Variants in PLEKHH1 observed in about 807,000 individuals in gnomAD.
PLEKHH1 encodes the protein pleckstrin homology, MyTH4 and FERM domain containing H1.
A neutral mutation model predicts 160.0 loss-of-function variants in PLEKHH1; 104 were observed. That is an observed-to-expected ratio of 0.65 (90% CI 0.55 to 0.76). The LOEUF (loss-of-function observed/expected upper bound fraction) is 0.76, where lower values mean the gene tolerates loss of function less well. PLEKHH1 is among the 30% of genes least tolerant of loss of function. The pLI, the probability that PLEKHH1 is intolerant of heterozygous loss-of-function variation, is 0.00. For missense variants in PLEKHH1, 1,427 were observed against 1,724.1 expected (o/e 0.83, Z 3.05); for synonymous variants, 619 against 678.4 (o/e 0.91, Z 1.36).
At chr14:67,549,544 T>A (rs1372141454) in intron 2 of PLEKHH1, among the ~76,000 whole-genome samples, 8 of 152,190 alleles carry the variant, frequency 5.3e-5, no homozygotes, top group Non-Finnish European at 1.5e-5. Flanking sequence ...GTGCTGGGAT[T>A]ACAGGTGTGA....
chr14:67,545,897 A>G (rs900897779), intron 2 of PLEKHH1, among the ~76,000 whole-genome samples: 7 of 152,150 alleles, frequency 4.6e-5, no homozygotes, highest in African/African-American at 1.7e-4. Context: ...TGGATTTTAT[A>G]TATTTGGGAA....
intron 2 of PLEKHH1, among the ~76,000 whole-genome samples, chr14:67,553,742 C>T (rs1440133451): frequency 6.6e-6 from 1 of 152,182 alleles, no homozygotes; most frequent in Non-Finnish European, 1.5e-5. Flanking sequence ...TTATCTGCCC[C>T]GTGGCTGCAT....
In PLEKHH1 at chr14:67,573,314, G is replaced by A; in HGVS notation, c.1767G>A (p.Gly589=). ...LEKSGYLLKM[G]SQVKTWKRRW... is the part of the protein sequence containing the mutation. ...AGTCGGGCTACCTGCTGAAAATGGGGAGCCAGGTGAAGACGTGGAAGAGGC... is the reference window on the plus strand; with the variant it reads ...AGTCGGGCTACCTGCTGAAAATGGGAAGCCAGGTGAAGACGTGGAAGAGGC... The change falls in exon 12 of 29, where the codon GGG becomes GGA. Residue 589 remains glycine, a synonymous_variant. Transcript: ENST00000329153. The surrounding 1 kb of genome is among the most constrained non-coding windows in gnomAD (Gnocchi z 4.8). 2 of 1,613,734 alleles carry A rather than the reference G, an allele frequency of 1.2e-6. No individual in the cohort carries two copies. The highest frequency in any genetic ancestry group is 1.7e-6 in the Non-Finnish European group (2 of 1,179,734).
At chr14:67,572,404 A>T (rs1347580937) in intron 11 of PLEKHH1, 127 bp downstream of exon 11, 66 of 118,874 alleles carry the variant, frequency 5.6e-4, no homozygotes, top group Non-Finnish European at 7.3e-4. Flanking sequence ...GGATGGGGGC[A>T]GGGGGCGTGG....
Position 67,574,024 on chromosome 14 carries a change from T to G in PLEKHH1, c.1926+137T>G. On this transcript the variant is annotated intron_variant, in intron 13 of 28. Coordinates refer to ENST00000329153, the MANE Select transcript of PLEKHH1 (RefSeq NM_020715.3). The surrounding 1 kb of genome is among the most constrained non-coding windows in gnomAD (Gnocchi z 4.2). ...TCAACATTTGGACGTGATCCTAACT[T>G]GTGAGTACAAGAAAGGAAGATGAGA... is the stretch of plus-strand genomic sequence containing the variant. 1 of 727,654 alleles carries G rather than the reference T, an allele frequency of 1.4e-6. No homozygotes were observed. The highest frequency in any genetic ancestry group is 1.8e-5 in the African/African-American group (1 of 56,886). 45.1% of individuals were successfully genotyped at this position (727,654 alleles called of 1,614,324 possible).
chr14:67,586,371 C>T (rs2036163018), intron 28 of PLEKHH1: 2 of 1,388,726 alleles, frequency 1.4e-6, no homozygotes, highest in Non-Finnish European at 1.9e-6. Context: ...TCTCAAGCCC[C>T]AGCATCATGC....
In PLEKHH1 at chr14:67,587,428, A is replaced by G; in HGVS notation, c.*193A>G. Reference sequence around the variant, plus strand: ...ATGTTTCAGGGCTCAACTTTTTAAAATCCAGACCCAGTGTTAAAACCATTT... The same window carrying G: ...ATGTTTCAGGGCTCAACTTTTTAAAGTCCAGACCCAGTGTTAAAACCATTT... On this transcript the variant is annotated 3_prime_UTR_variant, in exon 29 of 29. Transcript: ENST00000329153. 4.7e-6 allele frequency: 3 copies of G among 634,304 alleles called. No individual in the cohort carries two copies. In the South Asian group the frequency reaches 5.8e-5, roughly 12 times the overall value. The allele number at this position is 634,304 out of a possible 1,614,324, so 39.3% of individuals were successfully genotyped here.
At chr14:67,583,460 T>G (rs1391886751) in intron 24 of PLEKHH1, among the ~76,000 whole-genome samples, 1 of 152,200 alleles carries the variant, frequency 6.6e-6, no homozygotes, top group Non-Finnish European at 1.5e-5. Context: ...CACATTGTTT[T>G]CCCTTGTCGG....
Position 67,574,503 on chromosome 14 carries a change from C to T in PLEKHH1, c.2088+100C>T. The T allele has an allele frequency of 1.0e-6, 1 of 968,428 alleles. No homozygotes were observed. The highest frequency in any genetic ancestry group is 1.4e-6 in the Non-Finnish European group (1 of 703,124). 60.0% of individuals were successfully genotyped at this position (968,428 alleles called of 1,614,324 possible). A position where few individuals can be genotyped will look rare whatever the true frequency, so the allele number is the denominator to read the frequency against. ...GTGGTGGGTTCCCCCTTATACGGGG[C>T]TCCTTTCTCTGGGAGCCTCCTCACA... is the stretch of plus-strand genomic sequence containing the variant. On this transcript the variant is annotated intron_variant, in intron 14 of 28. Coordinates refer to ENST00000329153, the MANE Select transcript of PLEKHH1 (RefSeq NM_020715.3). The surrounding 1 kb of genome is among the most constrained non-coding windows in gnomAD (Gnocchi z 4.2).
At chr14:67,556,158 C>T (rs1218437185) in intron 3 of PLEKHH1, among the ~76,000 whole-genome samples, 1 of 152,202 alleles carries the variant, frequency 6.6e-6, no homozygotes, top group Admixed American at 6.5e-5. Context: ...AGTTCTCACT[C>T]GTGGAACCTG....
rs569406322 is a variant in PLEKHH1 at position 67,557,290 on chromosome 14, G to T, written c.211G>T (p.Val71Leu). ...ETQVGVMEEK[V>L]KLSNLKNVDS... Reference sequence around the variant, plus strand: ...TCAGGTGGGTGTCATGGAAGAGAAGGTAAAACTATCCAATCTGAAGAATGT... The same window carrying T: ...TCAGGTGGGTGTCATGGAAGAGAAGTTAAAACTATCCAATCTGAAGAATGT... The change falls in exon 4 of 29, where the codon GTA (valine) becomes TTA (leucine). Residue 71 changes from valine (V) to leucine (L), a missense_variant. By Grantham distance (32) the Val-to-Leu change is conservative. This residue lies in a region of PLEKHH1 where 831 missense variants were observed against 929.2 expected (regional missense o/e 0.89). Transcript: ENST00000329153. 2 of 1,613,784 alleles carry T rather than the reference G, an allele frequency of 1.2e-6. No individual in the cohort carries two copies. Among genetic ancestry groups the T allele is most frequent in the African/African-American group, 2.7e-5 (2 of 75,050 alleles).
Position 67,573,200 on chromosome 14 carries a change from A to G in PLEKHH1, c.1729-76A>G, listed in dbSNP as rs2035467731. 1 of 867,230 alleles carries G rather than the reference A, an allele frequency of 1.2e-6. No homozygotes were observed. The highest frequency in any genetic ancestry group is 1.9e-6 in the Non-Finnish European group (1 of 520,318). The allele number at this position is 867,230 out of a possible 1,614,324, so 53.7% of individuals were successfully genotyped here. A position where few individuals can be genotyped will look rare whatever the true frequency, so the allele number is the denominator to read the frequency against. ...GATGACCGAGTAGTGAGGCAGCTGG[A>G]CCACTTGGACCTGTGTGATGTCTAG... On this transcript the variant is annotated intron_variant, in intron 11 of 28. Transcript: ENST00000329153. This position sits in a 1 kb window ranked among gnomAD's most constrained non-coding sequence, Gnocchi z 4.8.
intron 28 of PLEKHH1, 162 bp from the exon 29 acceptor site, chr14:67,586,912 C>A (rs2036194932): frequency 1.3e-6 from 2 of 1,536,954 alleles, no homozygotes; most frequent in Non-Finnish European, 8.7e-7. Context: ...GGCCTCTGAA[C>A]AGCACAGTTA....
intron 7 of PLEKHH1, among the ~76,000 whole-genome samples, chr14:67,567,509 C>T (rs1019702946): frequency 2.0e-5 from 3 of 151,792 alleles, no homozygotes; most frequent in Non-Finnish European, 2.9e-5. Context: ...CTTTTTATGC[C>T]GAATTTTACT....
intron 2 of PLEKHH1, among the ~76,000 whole-genome samples, chr14:67,554,801 C>T (rs916723434): frequency 4.6e-5 from 7 of 152,208 alleles, no homozygotes; most frequent in East Asian, 1.9e-4. Context: ...AGAGCCTCCA[C>T]GTACAAGAAC....
intron 2 of PLEKHH1, among the ~76,000 whole-genome samples, chr14:67,545,925 T>C (rs1039852884): frequency 6.6e-6 from 1 of 151,824 alleles, no homozygotes; most frequent in African/African-American, 2.4e-5. Context: ...CTGATTTCAA[T>C]TGAACAAAAG....
At chr14:67,557,608 G>T (rs1410691283) in intron 4 of PLEKHH1, among the ~76,000 whole-genome samples, 190 bp downstream of exon 4, 1 of 152,236 alleles carries the variant, frequency 6.6e-6, no homozygotes, top group Non-Finnish European at 1.5e-5. Context: ...TAGAAGCCAG[G>T]CAGGGGATAG....
intron 11 of PLEKHH1, 41 bp downstream of exon 11, chr14:67,572,318 G>GT (rs149924957): frequency 0.013 from 20,387 of 1,533,250 alleles, 478 homozygotes; most frequent in African/African-American, 0.077. Flanking sequence ...GAAGCAGAAT[G>GT]CAGCAGAGGC....
At chr14:67,549,112 A>ATG (rs1188189397) in intron 2 of PLEKHH1, among the ~76,000 whole-genome samples, 2 of 152,162 alleles carry the variant, frequency 1.3e-5, no homozygotes, top group Non-Finnish European at 2.9e-5. Flanking sequence ...GAATACAAGG[A>ATG]TGAGTTGGAA....
Sources: allele counts gnomAD v4.1 joint callset (sites outside exome capture counted in the v4.1 genomes callset), GRCh38; gene constraint gnomAD v4.1.1; regional missense constraint gnomAD v4.1.1; non-coding constraint Gnocchi (gnomAD v3.1); transcripts MANE v1.5; gene names NCBI Gene and HGNC (gene_info 2026-07-23, HGNC 2026-07-21).